Variants in LAMC1 observed in about 807,000 individuals in gnomAD.
LAMC1 encodes laminin subunit gamma 1, also known as laminin subunit gamma-1.
In LAMC1, 38 loss-of-function variants were observed where a neutral mutation model predicts 173.6. The ratio of observed to expected loss-of-function variants is 0.22; its 90% CI spans 0.17 to 0.29. The LOEUF (loss-of-function observed/expected upper bound fraction) is 0.29, where lower values mean the gene tolerates loss of function less well. LAMC1 is among the 10% of genes least tolerant of loss of function. LAMC1 has a pLI of 1.00. For synonymous variants in LAMC1, 746 were observed against 749.1 expected (o/e 1.00, Z 0.07); for missense variants, 1,824 against 2,051.8 (o/e 0.89, Z 2.14).
At position 183,023,528 on chromosome 1, in the gene LAMC1, A is replaced by C. The variant is rs1653587307; in HGVS notation, c.-189A>C. The C allele has an allele frequency of 3.7e-6, 1 of 270,350 alleles. No homozygotes were observed. The highest frequency in any genetic ancestry group is 5.6e-5 in the Admixed American group (1 of 17,934). 16.7% of individuals were successfully genotyped at this position (270,350 alleles called of 1,614,324 possible). The stretch of plus-strand genomic sequence containing the variant: ...CGCGCGGGGGCAGTGGTCGGCGAGC[A>C]GCGCGGTCCTCGCTAGGGGCGCCCA... On this transcript the variant is annotated 5_prime_UTR_variant, in exon 1 of 28. Coordinates refer to ENST00000258341, the MANE Select transcript of LAMC1 (RefSeq NM_002293.4).
chr1:183,132,234 A>G (rs887415022), intron 20 of LAMC1, among the ~76,000 whole-genome samples, 166 bp from the exon 21 acceptor site: 9 of 152,158 alleles, frequency 5.9e-5, no homozygotes, highest in Non-Finnish European at 1.0e-4. Context: ...GGAGGTTGCA[A>G]TAAGCCAAGA....
chr1:183,082,633 C>T (rs993200493), intron 1 of LAMC1, among the ~76,000 whole-genome samples: 1 of 152,194 alleles, frequency 6.6e-6, no homozygotes, highest in Non-Finnish European at 1.5e-5. Context: ...ATTTTAGAAT[C>T]ACTGCTGGAA....
At chr1:183,057,418 C>CT (rs1426389039) in intron 1 of LAMC1, among the ~76,000 whole-genome samples, 2 of 152,188 alleles carry the variant, frequency 1.3e-5, no homozygotes, top group Non-Finnish European at 2.9e-5. Flanking sequence ...TTGCCTGACT[C>CT]TCTGAAAACT....
At position 183,023,740 on chromosome 1, in the gene LAMC1, G is replaced by A. The variant is rs1194725859; in HGVS notation, c.24G>A (p.Ala8=). MRGSHRA[A]PALRPRGRLW... ...GGATGAGAGGGAGCCATCGGGCCGC[G>A]CCGGCCCTGCGGCCCCGGGGGCGGC... Residue 8 remains alanine (A), a synonymous_variant, in exon 1 of 28, where the codon GCG becomes GCA. Transcript: ENST00000258341. 7 of 1,195,924 alleles carry A rather than the reference G, an allele frequency of 5.9e-6. No homozygotes were observed. The highest frequency in any genetic ancestry group is 6.3e-6 in the Non-Finnish European group (6 of 957,388). The allele number at this position is 1,195,924 out of a possible 1,614,324, so 74.1% of individuals were successfully genotyped here.
chr1:183,104,850 G>A (rs1655928537), intron 2 of LAMC1, among the ~76,000 whole-genome samples: 1 of 152,108 alleles, frequency 6.6e-6, no homozygotes, highest in Admixed American at 6.5e-5. Flanking sequence ...GCAAAAAAGT[G>A]TTTCTTGCAA....
intron 16 of LAMC1, among the ~76,000 whole-genome samples, chr1:183,127,008 T>G (rs917803055): frequency 1.3e-5 from 2 of 152,286 alleles, no homozygotes; most frequent in African/African-American, 4.8e-5. Context: ...GTCCCAAAGG[T>G]TGCACGTTTT....
chr1:183,140,245 C>CAAAAAAAA (rs56152259), intron 26 of LAMC1, among the ~76,000 whole-genome samples, 159 bp from the exon 27 acceptor site: 571 of 52,876 alleles, frequency 0.011, 54 homozygotes, highest in African/African-American at 0.028. Context: ...GCAGCCCCAC[C>CAAAAAAAA]AAAAAAAAAA....
intron 1 of LAMC1, among the ~76,000 whole-genome samples, chr1:183,053,738 G>C (rs1006080206): frequency 6.6e-6 from 1 of 151,854 alleles, no homozygotes; most frequent in Non-Finnish European, 1.5e-5. Context: ...CGATTCTTGT[G>C]CTTCAGCCTC....
chr1:183,024,304 G>A (rs578060819), intron 1 of LAMC1, among the ~76,000 whole-genome samples, 170 bp downstream of exon 1: 1 of 152,188 alleles, frequency 6.6e-6, no homozygotes, highest in Non-Finnish European at 1.5e-5. Context: ...AATAGATACT[G>A]CTTTTAACAT....
chr1:183,057,685 C>T (rs778024783), intron 1 of LAMC1, among the ~76,000 whole-genome samples: 5 of 151,738 alleles, frequency 3.3e-5, no homozygotes, highest in Non-Finnish European at 2.9e-5. Flanking sequence ...TGCTTGAGCC[C>T]GGGGAGGTTA....
At chr1:183,026,204 AAAAGTT>A (rs1351571193) in intron 1 of LAMC1, among the ~76,000 whole-genome samples, 2 of 152,236 alleles carry the variant, frequency 1.3e-5, no homozygotes, top group Non-Finnish European at 2.9e-5. Flanking sequence ...CTTGTAAGTT[AAAAGTT>A]AAAGTATTTT....
intron 1 of LAMC1, among the ~76,000 whole-genome samples, chr1:183,028,127 G>A (rs1233072953): frequency 6.6e-6 from 1 of 150,538 alleles, no homozygotes; most frequent in South Asian, 2.1e-4. Context: ...CACATTAGGG[G>A]AGAAGTTGGA....
At chr1:183,107,608 A>T (rs1656015455) in intron 2 of LAMC1, among the ~76,000 whole-genome samples, 1 of 152,184 alleles carries the variant, frequency 6.6e-6, no homozygotes, top group South Asian at 2.1e-4. Flanking sequence ...AGGCGGGTGT[A>T]TCACGAGGTC....
intron 1 of LAMC1, among the ~76,000 whole-genome samples, chr1:183,052,784 T>A (rs1240748139): frequency 6.6e-6 from 1 of 152,220 alleles, no homozygotes; most frequent in Non-Finnish European, 1.5e-5. Flanking sequence ...AACTTGAGAA[T>A]AAAGAAGGTT....
chr1:183,126,067 T>C (rs1030219101), intron 15 of LAMC1, 53 bp from the exon 16 acceptor site: 25 of 1,559,608 alleles, frequency 1.6e-5, no homozygotes, highest in Non-Finnish European at 2.1e-5. Context: ...AAAAAAAAGT[T>C]GTGCTTAAAG....
At chr1:183,134,629 A>G (rs1004824658) in intron 22 of LAMC1, 31 bp from the exon 23 acceptor site, 3 of 1,580,346 alleles carry the variant, frequency 1.9e-6, no homozygotes, top group African/African-American at 2.7e-5. Context: ...TGTTTTATCC[A>G]AAGTGTAGTG....
chr1:183,121,291 T>C (rs1349468937), intron 11 of LAMC1, among the ~76,000 whole-genome samples: 1 of 151,092 alleles, frequency 6.6e-6, no homozygotes, highest in East Asian at 1.9e-4. Context: ...CCGGGCATGG[T>C]GGCATGCGCC....
At position 183,112,983 on chromosome 1, in the gene LAMC1, A is replaced by C. The variant is rs908004195; in HGVS notation, c.1022-1548A>C. ...AGACTCATTTGGGACCAACCTGGGC[A>C]ATATAGTGAAACCCTGTCTCTGCAA... On this transcript the variant is annotated intron_variant, in intron 4 of 27. Transcript: ENST00000258341. Among the ~76,000 whole-genome samples the C allele has an allele frequency of 5.3e-5, 8 of 152,174 alleles. No homozygotes were observed. In the South Asian group the frequency reaches 6.2e-4, roughly 12 times the overall value.
intron 1 of LAMC1, among the ~76,000 whole-genome samples, chr1:183,063,375 G>A (rs1177660400): frequency 6.6e-6 from 1 of 152,312 alleles, no homozygotes; most frequent in African/African-American, 2.4e-5. Context: ...GAAATACTCA[G>A]ATCTGCACAT....
Sources: allele counts gnomAD v4.1 joint callset (sites outside exome capture counted in the v4.1 genomes callset), GRCh38; gene constraint gnomAD v4.1.1; transcripts MANE v1.5; gene names NCBI Gene and HGNC (gene_info 2026-07-23, HGNC 2026-07-21).